VPS41: variants seen among roughly 807,000 people sequenced by gnomAD.
VPS41 encodes the protein vacuolar protein sorting-associated protein 41 homolog.
Under a neutral mutation model 130.9 loss-of-function variants are expected in VPS41, and 85 were observed. The observed-to-expected ratio is 0.65, with a 90% CI of 0.55 to 0.78. The LOEUF is 0.78. VPS41 is among the 30% of genes least tolerant of loss of function. The pLI is 0.00. For synonymous variants in VPS41, 335 were observed against 332.9 expected (o/e 1.01, Z -0.07); for missense variants, 874 against 1,018.7 (o/e 0.86, Z 1.93).
chr7:38,745,558 C>T lies in VPS41; in HGVS notation c.1981+1G>A, dbSNP rs760012471. 8 of 1,609,144 alleles carry T rather than the reference C, an allele frequency of 5.0e-6. No individual in the cohort carries two copies. Among genetic ancestry groups the T allele is most frequent in the African/African-American group, 2.7e-5 (2 of 74,812 alleles). On this transcript the variant is annotated splice_donor_variant, in intron 23 of 28. Transcript: ENST00000310301. LOFTEE classifies it high-confidence loss of function. ...GACCAAAATGAATAAAAGCTACTTA[C>T]TCAGAAGATAAACTGTCTCTTCTAC...
At position 38,768,578 on chromosome 7, in the gene VPS41, A is replaced by T. The variant is rs189097436; in HGVS notation, c.1186-980T>A. 4.5e-3 allele frequency among the ~76,000 whole-genome samples: 680 copies of T among 152,326 alleles called. 8 individuals are homozygous for T. Among genetic ancestry groups the T allele is most frequent in the Admixed American group, 8.0e-3 (122 of 15,310 alleles). On this transcript the variant is annotated intron_variant, in intron 14 of 28. Coordinates refer to ENST00000310301, the MANE Select transcript of VPS41 (RefSeq NM_014396.4). Reference sequence around the variant, plus strand: ...TTTTAGTATATTAAATTTTTACTTTAATAACTACTATGTGAGAAATCATAT... The same window carrying T: ...TTTTAGTATATTAAATTTTTACTTTTATAACTACTATGTGAGAAATCATAT...
intron 5 of VPS41, among the ~76,000 whole-genome samples, chr7:38,826,096 C>T (rs1785269467): frequency 6.6e-6 from 1 of 152,158 alleles, no homozygotes; most frequent in Non-Finnish European, 1.5e-5. Context: ...TCATACTCTC[C>T]ACCCAGGCTG....
chr7:38,895,921 G>A (rs570225001), intron 2 of VPS41, among the ~76,000 whole-genome samples: 16 of 152,038 alleles, frequency 1.1e-4, no homozygotes, highest in African/African-American at 1.4e-4. Context: ...ATTCTGCCTC[G>A]GCTGGGTCTC....
At chr7:38,800,821 A>G (rs1784711422) in intron 7 of VPS41, among the ~76,000 whole-genome samples, 1 of 152,020 alleles carries the variant, frequency 6.6e-6, no homozygotes, top group Non-Finnish European at 1.5e-5. Context: ...GGGCAACAAG[A>G]GCAAAACTCT....
intron 25 of VPS41, among the ~76,000 whole-genome samples, chr7:38,734,151 T>A (rs530898232): frequency 6.6e-6 from 1 of 152,290 alleles, no homozygotes; most frequent in South Asian, 2.1e-4. Flanking sequence ...AACTTCATAA[T>A]GGTATTAATT....
chr7:38,833,105 C>G (rs1473054977), intron 4 of VPS41, among the ~76,000 whole-genome samples: 1 of 152,150 alleles, frequency 6.6e-6, no homozygotes, highest in Non-Finnish European at 1.5e-5. Flanking sequence ...TATGTCCACT[C>G]TATATCTAAT....
chr7:38,855,357 A>T (rs1785959828), intron 4 of VPS41, among the ~76,000 whole-genome samples: 1 of 152,228 alleles, frequency 6.6e-6, no homozygotes, highest in African/African-American at 2.4e-5. Flanking sequence ...ATGAAAAAAG[A>T]GATGGGTGAT....
chr7:38,756,656 T>A (rs541535599), intron 19 of VPS41, among the ~76,000 whole-genome samples, 182 bp downstream of exon 19: 1 of 152,220 alleles, frequency 6.6e-6, no homozygotes, highest in Non-Finnish European at 1.5e-5. Context: ...ATGAAAAGGA[T>A]TCCTGAATGC....
At chr7:38,794,070 G>A (rs1041073749) in intron 9 of VPS41, among the ~76,000 whole-genome samples, 1 of 152,182 alleles carries the variant, frequency 6.6e-6, no homozygotes, top group African/African-American at 2.4e-5. Context: ...TGGGAGTAAT[G>A]AGTAAACTTG....
chr7:38,869,493 T>C (rs1786301676), intron 2 of VPS41, among the ~76,000 whole-genome samples: 1 of 152,224 alleles, frequency 6.6e-6, no homozygotes, highest in Admixed American at 6.5e-5. Flanking sequence ...GGTGTTATAT[T>C]GTCACTAACT....
intron 7 of VPS41, among the ~76,000 whole-genome samples, chr7:38,809,509 C>T (rs1333028253): frequency 1.3e-5 from 2 of 151,834 alleles, no homozygotes; most frequent in African/African-American, 4.8e-5. Context: ...AAAAGCTTCC[C>T]ATATTGAATC....
chr7:38,834,667 T>C (rs1785457461), intron 4 of VPS41, among the ~76,000 whole-genome samples: 1 of 152,154 alleles, frequency 6.6e-6, no homozygotes, highest in South Asian at 2.1e-4. Flanking sequence ...TATGTAAAGT[T>C]ACATTTCACA....
intron 10 of VPS41, among the ~76,000 whole-genome samples, chr7:38,787,301 C>CA (rs1784456871): frequency 6.6e-6 from 1 of 152,090 alleles, no homozygotes; most frequent in Non-Finnish European, 1.5e-5. Flanking sequence ...CTCCAACTAC[C>CA]ATACCACAGA....
intron 10 of VPS41, among the ~76,000 whole-genome samples, 196 bp downstream of exon 10, chr7:38,789,605 A>G (rs540806985): frequency 2.0e-5 from 3 of 152,176 alleles, no homozygotes; most frequent in African/African-American, 4.8e-5. Flanking sequence ...CTGAAGGATG[A>G]TGACAAGATC....
At chr7:38,734,680 C>T (rs1033665140) in intron 25 of VPS41, among the ~76,000 whole-genome samples, 4 of 152,158 alleles carry the variant, frequency 2.6e-5, no homozygotes, top group African/African-American at 9.7e-5. Context: ...TCATTAGAAA[C>T]AGCGGCCATG....
chr7:38,879,672 G>T (rs1020529603), intron 2 of VPS41, among the ~76,000 whole-genome samples: 7 of 152,030 alleles, frequency 4.6e-5, no homozygotes, highest in African/African-American at 1.7e-4. Context: ...TCCTCATAAG[G>T]AGTGCAACCT....
intron 25 of VPS41, among the ~76,000 whole-genome samples, chr7:38,736,727 T>G (rs969660512): frequency 6.6e-6 from 1 of 152,236 alleles, no homozygotes; most frequent in Non-Finnish European, 1.5e-5. Context: ...TCAAGGCACT[T>G]CACAGACACT....
chr7:38,909,154 C>G lies in VPS41; in HGVS notation c.21G>C (p.Gln7His), dbSNP rs1315994960. The G allele has an allele frequency of 1.2e-6, 2 of 1,614,258 alleles. No individual in the cohort carries two copies. The highest frequency in any genetic ancestry group is 1.7e-6 in the Non-Finnish European group (2 of 1,180,040). Residue 7 changes from glutamine (Q) to histidine (H), a missense_variant and splice_region_variant, in exon 1 of 29, where the codon CAG becomes CAC. Coordinates refer to ENST00000310301, the MANE Select transcript of VPS41 (RefSeq NM_014396.4). MAEAEE[Q>H]ETGSLEESTD... is the part of the protein sequence containing the mutation. Reference sequence around the variant, plus strand: ...CTCAACTACCACCTGCACCCTTTACCTGCTCCTCTGCTTCCGCCATGGCGC... The same window carrying G: ...CTCAACTACCACCTGCACCCTTTACGTGCTCCTCTGCTTCCGCCATGGCGC...
chr7:38,849,749 G>T (rs1785810227), intron 4 of VPS41, among the ~76,000 whole-genome samples: 1 of 152,142 alleles, frequency 6.6e-6, no homozygotes, highest in African/African-American at 2.4e-5. Context: ...GGGCCTCAGG[G>T]GTTTTATAGG....
Sources: gnomAD v4.1 joint callset for allele counts (sites outside exome capture counted in the v4.1 genomes callset) on GRCh38, gnomAD v4.1.1 for gene constraint, MANE v1.5 for transcripts, NCBI Gene and HGNC (gene_info 2026-07-23, HGNC 2026-07-21) for gene names.